Variants in NT5DC1 observed in about 807,000 individuals in gnomAD.
NT5DC1 encodes the protein 5'-nucleotidase domain containing 1, also known as 5'-nucleotidase domain-containing protein 1.
A neutral mutation model predicts 59.4 loss-of-function variants in NT5DC1; 42 were observed. The observed-to-expected ratio is 0.71, with a 90% confidence interval of 0.55 to 0.92. The LOEUF is 0.92. NT5DC1 is among the 40% of genes least tolerant of loss of function. The probability of loss-of-function intolerance (pLI) is 0.00; values close to 1 mark genes in which losing one functional copy is unlikely to be tolerated. For missense variants in NT5DC1, 501 were observed against 537.1 expected, an observed-to-expected ratio of 0.93 and a Z score of 0.66; for synonymous variants, 172 against 188.1, an observed-to-expected ratio of 0.91 and a Z score of 0.70.
At chr6:116,113,425 C>G (rs564345134) in intron 4 of NT5DC1, among the ~76,000 whole-genome samples, 18 of 152,304 alleles carry the variant, frequency 1.2e-4, no homozygotes, top group Non-Finnish European at 2.9e-5. Flanking sequence ...AGGACTTGAT[C>G]TTGATTCAGA....
chr6:116,146,182 A>G (rs1016738918), intron 6 of NT5DC1, among the ~76,000 whole-genome samples: 1 of 152,244 alleles, frequency 6.6e-6, no homozygotes. Context: ...AGGCAGGAAG[A>G]GTCCCTGGGG....
chr6:116,112,321 TGA>T (rs1005656780), intron 4 of NT5DC1, among the ~76,000 whole-genome samples: 2 of 152,116 alleles, frequency 1.3e-5, no homozygotes, highest in African/African-American at 4.8e-5. Context: ...AAAAATAATA[TGA>T]GTTTTTTTAA....
At chr6:116,178,889 CT>C (rs1780811935) in intron 6 of NT5DC1, among the ~76,000 whole-genome samples, 1 of 152,144 alleles carries the variant, frequency 6.6e-6, no homozygotes. Flanking sequence ...AGCAAAATTT[CT>C]TTTACTCGAT....
At chr6:116,180,636 T>C (rs1352934742) in intron 6 of NT5DC1, among the ~76,000 whole-genome samples, 7 of 152,094 alleles carry the variant, frequency 4.6e-5, no homozygotes, top group African/African-American at 1.7e-4. Flanking sequence ...TGCCAAAATA[T>C]CAAACCCAGA....
At chr6:116,216,409 A>G (rs991703066) in intron 6 of NT5DC1, among the ~76,000 whole-genome samples, 4 of 151,862 alleles carry the variant, frequency 2.6e-5, no homozygotes, top group Non-Finnish European at 4.4e-5. Context: ...AAAAATACCA[A>G]TGTTGTGGCC....
intron 6 of NT5DC1, among the ~76,000 whole-genome samples, chr6:116,183,264 T>C (rs1780926732): frequency 6.6e-6 from 1 of 152,158 alleles, no homozygotes; most frequent in Non-Finnish European, 1.5e-5. Flanking sequence ...CTGTGCTGTT[T>C]TGGTGATTAT....
chr6:116,147,726 A>G lies in NT5DC1; in HGVS notation c.529+29781A>G, dbSNP rs564212401. Among the ~76,000 whole-genome samples the G allele has an allele frequency of 2.6e-5, 4 of 152,348 alleles. No homozygotes were observed. The South Asian group carries it at 8.3e-4, about 32-fold the overall frequency. ...TTAAATGCACATTCACCCAAGAATT[A>G]TATCTCTAAGAATTTATATTACAGA... On this transcript the variant is annotated intron_variant, in intron 6 of 11. Coordinates refer to ENST00000319550, the MANE Select transcript of NT5DC1 (RefSeq NM_152729.3).
At chr6:116,129,948 A>G (rs1376391578) in intron 6 of NT5DC1, among the ~76,000 whole-genome samples, 1 of 152,146 alleles carries the variant, frequency 6.6e-6, no homozygotes, top group Admixed American at 6.5e-5. Context: ...AGCACACACA[A>G]ATACATTTTT....
Position 116,238,174 on chromosome 6 carries a change from A to G in NT5DC1, c.922-13A>G, listed in dbSNP as rs764112620. 9 of 1,584,366 alleles carry G rather than the reference A, an allele frequency of 5.7e-6. No individual in the cohort carries two copies. The highest frequency in any genetic ancestry group is 2.7e-5 in the African/African-American group (2 of 73,224). On this transcript the variant is annotated splice_polypyrimidine_tract_variant and intron_variant, in intron 9 of 11. Transcript: ENST00000319550. Reference sequence around the variant, plus strand: ...TTCTGTGCCTCAAACAGCATCTGCTATCTGTCTTACAGGTTGTTTATTTTG... The same window carrying G: ...TTCTGTGCCTCAAACAGCATCTGCTGTCTGTCTTACAGGTTGTTTATTTTG...
At position 116,236,785 on chromosome 6, in the gene NT5DC1, C is replaced by T. The variant is rs1232555077; in HGVS notation, c.803-181C>T. On this transcript the variant is annotated intron_variant, in intron 8 of 11. Coordinates refer to ENST00000319550, the MANE Select transcript of NT5DC1 (RefSeq NM_152729.3). ...TTATTTTCCCCAATTAAGAAGGCCA[C>T]GGGATTAAAAAGTATATACCTATAA... 2.0e-5 allele frequency among the ~76,000 whole-genome samples: 3 copies of T among 152,052 alleles called. No homozygotes were observed. The East Asian group carries it at 5.8e-4, about 29-fold the overall frequency.
chr6:116,240,667 CAA>C (rs1303735914), intron 11 of NT5DC1, among the ~76,000 whole-genome samples: 18 of 151,768 alleles, frequency 1.2e-4, no homozygotes. Context: ...TGCTAAATGC[CAA>C]AGATAATTAA....
At position 116,246,586 on chromosome 6, in the gene NT5DC1, A is replaced by G. The variant is rs1771853513; in HGVS notation, c.*2562A>G. ...ATGGAAAATCAAACTGCCTCTCTAG[A>G]TATAATAACCTTCACTGACTGTTGG... is the stretch of plus-strand genomic sequence containing the variant. On this transcript the variant is annotated 3_prime_UTR_variant, in exon 12 of 12. Transcript: ENST00000319550. 6.6e-6 allele frequency: 1 copy of G among 152,130 alleles called. No individual in the cohort carries two copies. The highest frequency in any genetic ancestry group is 1.5e-5 in the Non-Finnish European group (1 of 68,000). 9.4% of individuals were successfully genotyped at this position (152,130 alleles called of 1,614,324 possible). A position where few individuals can be genotyped will look rare whatever the true frequency, so the allele number is the denominator to read the frequency against.
At chr6:116,105,893 G>C (rs1778757293) in intron 1 of NT5DC1, among the ~76,000 whole-genome samples, 1 of 152,094 alleles carries the variant, frequency 6.6e-6, no homozygotes, top group South Asian at 2.1e-4. Context: ...GATGGATAGA[G>C]TGGTCATCAT....
At position 116,152,726 on chromosome 6, in the gene NT5DC1, T is replaced by C. The variant is rs1780077551; in HGVS notation, c.529+34781T>C. On this transcript the variant is annotated intron_variant, in intron 6 of 11. Transcript: ENST00000319550. Reference sequence around the variant, plus strand: ...TCCATCTTTTTACAGCCATACTTCTTGGTTAGAATGTTCCATACTTAGGTT... The same window carrying C: ...TCCATCTTTTTACAGCCATACTTCTCGGTTAGAATGTTCCATACTTAGGTT... Among the ~76,000 whole-genome samples, 3 of 152,182 alleles carry C rather than the reference T, an allele frequency of 2.0e-5. 1 individual carries two copies. Among genetic ancestry groups the C allele is most frequent in the Admixed American group, 2.0e-4 (3 of 15,272 alleles).
rs144872978 is a variant in NT5DC1 at position 116,154,431 on chromosome 6, G to C, written c.529+36486G>C. Among the ~76,000 whole-genome samples, 459 of 152,166 alleles carry C rather than the reference G, an allele frequency of 3.0e-3. 2 individuals are homozygous for C. The highest frequency in any genetic ancestry group is 0.01 in the African/African-American group (434 of 41,514). On this transcript the variant is annotated intron_variant, in intron 6 of 11. Transcript: ENST00000319550. The stretch of plus-strand genomic sequence containing the variant: ...TTTTCTTACCTGGCCCCTGACAACA[G>C]ATTCACCCAAACACATTATACTCCT...
At chr6:116,241,001 G>A (rs779808969) in intron 11 of NT5DC1, among the ~76,000 whole-genome samples, 14 of 151,978 alleles carry the variant, frequency 9.2e-5, no homozygotes, top group Non-Finnish European at 1.9e-4. Context: ...AAAATTAGCC[G>A]GGTGTGGTAG....
At chr6:116,152,714 A>G (rs1393233940) in intron 6 of NT5DC1, among the ~76,000 whole-genome samples, 6 of 152,088 alleles carry the variant, frequency 3.9e-5, no homozygotes, top group African/African-American at 1.4e-4. Flanking sequence ...ATCTTTTTAC[A>G]GCCATACTTC....
At chr6:116,109,079 T>C (rs1397538825) in intron 3 of NT5DC1, among the ~76,000 whole-genome samples, 1 of 152,194 alleles carries the variant, frequency 6.6e-6, no homozygotes, top group Non-Finnish European at 1.5e-5. Context: ...CTGCTCTGTC[T>C]CTCACAGGGC....
intron 6 of NT5DC1, among the ~76,000 whole-genome samples, chr6:116,145,824 A>C (rs1189995113): frequency 1.3e-5 from 2 of 152,190 alleles, no homozygotes; most frequent in Admixed American, 6.5e-5. Context: ...ATAGCTCAAA[A>C]TTGTGAACTA....
Sources: allele counts gnomAD v4.1 joint callset (sites outside exome capture counted in the v4.1 genomes callset), GRCh38; gene constraint gnomAD v4.1.1; transcripts MANE v1.5; gene names NCBI Gene and HGNC (gene_info 2026-07-23, HGNC 2026-07-21).